Variants in RNF8 observed in about 807,000 individuals in gnomAD.
RNF8 encodes ring finger protein 8.
A neutral mutation model predicts 59.3 loss-of-function variants in RNF8; 8 were observed. The observed-to-expected ratio is 0.13, with a 90% CI of 0.08 to 0.24. The LOEUF is 0.24. RNF8 is among the 10% of genes least tolerant of loss of function. The pLI is 1.00. For missense variants in RNF8, 406 were observed against 572.6 expected, an observed-to-expected ratio of 0.71 and a Z score of 2.97; for synonymous variants, 162 against 200.0, an observed-to-expected ratio of 0.81 and a Z score of 1.60.
intron 7 of RNF8, among the ~76,000 whole-genome samples, chr6:37,386,504 T>C (rs1770508705): frequency 6.6e-6 from 1 of 152,174 alleles, no homozygotes; most frequent in Non-Finnish European, 1.5e-5. Flanking sequence ...CAGTACACCC[T>C]AAATGTATGG....
At chr6:37,379,174 C>T (rs1770148415) in intron 6 of RNF8, among the ~76,000 whole-genome samples, 1 of 152,042 alleles carries the variant, frequency 6.6e-6, no homozygotes, top group African/African-American at 2.4e-5. Flanking sequence ...CCACCACACC[C>T]AGCTAATTTT....
chr6:37,383,431 C>G (rs779219377), intron 7 of RNF8, among the ~76,000 whole-genome samples: 5 of 152,230 alleles, frequency 3.3e-5, no homozygotes, highest in Non-Finnish European at 5.9e-5. Flanking sequence ...AATTTAGGAT[C>G]TGGAAACTAG....
At chr6:37,376,504 G>A (rs1259381586) in intron 5 of RNF8, among the ~76,000 whole-genome samples, 1 of 152,160 alleles carries the variant, frequency 6.6e-6, no homozygotes, top group Non-Finnish European at 1.5e-5. Flanking sequence ...CGTAGATGGA[G>A]TCTTGCCATG....
At chr6:37,390,376 G>A (rs1189627874) in intron 7 of RNF8, among the ~76,000 whole-genome samples, 1 of 152,182 alleles carries the variant, frequency 6.6e-6, no homozygotes, top group Non-Finnish European at 1.5e-5. Flanking sequence ...GAAGGAGGTG[G>A]CCATGCTGCC....
At chr6:37,364,326 C>G (rs1769461426) in intron 2 of RNF8, among the ~76,000 whole-genome samples, 1 of 151,008 alleles carries the variant, frequency 6.6e-6, no homozygotes, top group African/African-American at 2.5e-5. Context: ...GCCAAGGTGG[C>G]TACTGACTAG....
At chr6:37,381,126 T>C (rs1391747099) in intron 6 of RNF8, 24 bp from the exon 7 acceptor site, 2 of 1,596,786 alleles carry the variant, frequency 1.3e-6, no homozygotes, top group Admixed American at 1.7e-5. Flanking sequence ...AGTTCTGATA[T>C]GTGTGTCCAC....
At chr6:37,354,372 CAGAG>C in intron 1 of RNF8, 97 bp downstream of exon 1, 1 of 932,360 alleles carries the variant, frequency 1.1e-6, no homozygotes, top group South Asian at 1.7e-5. Flanking sequence ...GAATGAATGG[CAGAG>C]AGGAGGCGGG....
chr6:37,359,228 T>C (rs1562083889), intron 1 of RNF8: 1 of 454,524 alleles, frequency 2.2e-6, no homozygotes, highest in Non-Finnish European at 4.4e-6. Flanking sequence ...ATGATAGATG[T>C]GAACTGGGGC....
chr6:37,378,751 C>T (rs781735280), intron 6 of RNF8, among the ~76,000 whole-genome samples: 1 of 152,076 alleles, frequency 6.6e-6, no homozygotes, highest in Non-Finnish European at 1.5e-5. Context: ...GACTTCAGAT[C>T]GTAACTTCTC....
At chr6:37,387,828 A>G (rs1471511964) in intron 7 of RNF8, among the ~76,000 whole-genome samples, 1 of 152,234 alleles carries the variant, frequency 6.6e-6, no homozygotes, top group Non-Finnish European at 1.5e-5. Context: ...TCCCTGAGTC[A>G]GTGAAGGACA....
At chr6:37,377,594 A>T (rs1014418764) in intron 6 of RNF8, among the ~76,000 whole-genome samples, 43 of 152,254 alleles carry the variant, frequency 2.8e-4, no homozygotes, top group African/African-American at 1.0e-3. Context: ...TTTATTTGGT[A>T]TGATTAACAT....
In RNF8 at chr6:37,360,624, T is replaced by A; in HGVS notation, c.240+50T>A. On this transcript the variant is annotated intron_variant, in intron 2 of 7. Transcript: ENST00000373479. This position sits in a 1 kb window ranked among gnomAD's most constrained non-coding sequence, Gnocchi z 4.2. ...TGACTTTTATTTGTTTTTAAATTAC[T>A]TTTTTTTTTTTTTGCATAGGTAATT... 3.2e-6 allele frequency: 1 copy of A among 310,114 alleles called. No individual in the cohort carries two copies. Among genetic ancestry groups the A allele is most frequent in the Non-Finnish European group, 4.2e-6 (1 of 238,092 alleles). 19.2% of individuals were successfully genotyped at this position (310,114 alleles called of 1,614,324 possible).
intron 7 of RNF8, among the ~76,000 whole-genome samples, chr6:37,383,484 C>T (rs1770361481): frequency 6.6e-6 from 1 of 152,172 alleles, no homozygotes; most frequent in African/African-American, 2.4e-5. Flanking sequence ...CACTGCAGGC[C>T]CTGGAGCAGG....
chr6:37,381,091 A>G, intron 6 of RNF8, 59 bp from the exon 7 acceptor site: 2 of 1,451,424 alleles, frequency 1.4e-6, no homozygotes, highest in Admixed American at 1.7e-5. Flanking sequence ...TGAGATCACA[A>G]GCATCCTGAG....
chr6:37,362,359 C>G (rs1047698652), intron 2 of RNF8, among the ~76,000 whole-genome samples: 1 of 152,170 alleles, frequency 6.6e-6, no homozygotes, highest in East Asian at 1.9e-4. Context: ...GACTGTGCTC[C>G]GGGCTCACTC....
intron 6 of RNF8, among the ~76,000 whole-genome samples, chr6:37,380,920 T>A (rs1352998092): frequency 6.6e-6 from 1 of 152,040 alleles, no homozygotes; most frequent in African/African-American, 2.4e-5. Flanking sequence ...TGACCTCAGG[T>A]GACCCACCCA....
intron 3 of RNF8, chr6:37,369,860 G>A (rs1769729872): frequency 6.6e-6 from 1 of 152,514 alleles, no homozygotes; most frequent in Non-Finnish European, 1.5e-5. Context: ...CTTCCACAGT[G>A]CCTATAGTAG....
chr6:37,376,028 G>GA (rs1239203745), intron 5 of RNF8, among the ~76,000 whole-genome samples: 4 of 152,150 alleles, frequency 2.6e-5, no homozygotes, highest in African/African-American at 9.7e-5. Flanking sequence ...GGTAATTCAA[G>GA]AGGCCTGTCT....
chr6:37,391,232 T>G lies in RNF8; in HGVS notation c.*474T>G, dbSNP rs557319754. On this transcript the variant is annotated 3_prime_UTR_variant, in exon 8 of 8. Coordinates refer to ENST00000373479, the MANE Select transcript of RNF8 (RefSeq NM_003958.4). Reference sequence around the variant, plus strand: ...TCCTGGAAATAAAATGTAAAACCTGTCAGTTGCTCAGCTGGGCTTTGGTGT... The same window carrying G: ...TCCTGGAAATAAAATGTAAAACCTGGCAGTTGCTCAGCTGGGCTTTGGTGT... 31 of 176,596 alleles carry G rather than the reference T, an allele frequency of 1.8e-4. No homozygotes were observed. Among genetic ancestry groups the G allele is most frequent in the Admixed American group, 1.7e-4 (3 of 17,266 alleles). The allele number at this position is 176,596 out of a possible 1,614,324, so 10.9% of individuals were successfully genotyped here.
Sources: gnomAD v4.1 joint callset for allele counts (sites outside exome capture counted in the v4.1 genomes callset) on GRCh38, gnomAD v4.1.1 for gene constraint, Gnocchi (gnomAD v3.1) non-coding constraint, MANE v1.5 for transcripts, NCBI Gene and HGNC (gene_info 2026-07-23, HGNC 2026-07-21) for gene names.